Variants in SSH2 observed in about 807,000 individuals in gnomAD.
SSH2 encodes protein phosphatase Slingshot homolog 2.
SSH2 carries 37 observed loss-of-function variants against 135.2 expected under a neutral mutation model. The observed-to-expected ratio is 0.27, with a 90% CI of 0.21 to 0.36. The LOEUF (loss-of-function observed/expected upper bound fraction) is 0.36. SSH2 is among the 10% of genes least tolerant of loss of function. SSH2 has a pLI of 1.00. For synonymous variants in SSH2, 628 were observed against 646.2 expected (o/e 0.97, Z 0.43); for missense variants, 1,408 against 1,765.3 (o/e 0.80, Z 3.63).
At chr17:29,829,464 T>TTGTG (rs113871041) in intron 2 of SSH2, among the ~76,000 whole-genome samples, 9,158 of 149,778 alleles carry the variant, frequency 0.061, 500 homozygotes, top group African/African-American at 0.15. Context: ...TGTCGATGGC[T>TTGTG]TGTGTGTGTG....
chr17:29,749,992 G>A (rs574724392), intron 3 of SSH2, among the ~76,000 whole-genome samples: 2 of 151,862 alleles, frequency 1.3e-5, no homozygotes, highest in Non-Finnish European at 2.9e-5. Context: ...TTGGCCTCCC[G>A]AAGTGCTGGG....
At chr17:29,913,359 TA>T (rs1567650121) in intron 1 of SSH2, among the ~76,000 whole-genome samples, 2 of 55,664 alleles carry the variant, frequency 3.6e-5, no homozygotes, top group Non-Finnish European at 3.5e-5. Flanking sequence ...TATATATATA[TA>T]TATATATATA....
intron 1 of SSH2, among the ~76,000 whole-genome samples, chr17:29,915,642 C>G (rs779705723): frequency 2.0e-5 from 3 of 152,022 alleles, no homozygotes; most frequent in African/African-American, 4.8e-5. Context: ...AATTGATAAA[C>G]TTTCAAGGGA....
chr17:29,858,119 C>T (rs1355431609), intron 1 of SSH2, among the ~76,000 whole-genome samples: 3 of 152,198 alleles, frequency 2.0e-5, no homozygotes, highest in Non-Finnish European at 4.4e-5. Flanking sequence ...TTTATCCATT[C>T]ATCTGTTAAG....
intron 3 of SSH2, among the ~76,000 whole-genome samples, chr17:29,723,234 TA>T (rs1033857720): frequency 6.6e-6 from 1 of 151,856 alleles, no homozygotes; most frequent in East Asian, 1.9e-4. Flanking sequence ...CAATTCCAAA[TA>T]AAAAAAAGCT....
chr17:29,861,035 G>A (rs367800311), intron 1 of SSH2, among the ~76,000 whole-genome samples: 32 of 152,106 alleles, frequency 2.1e-4, no homozygotes, highest in East Asian at 1.2e-3. Context: ...GTGAGCCACC[G>A]TGTCCAGCCC....
intron 11 of SSH2, among the ~76,000 whole-genome samples, chr17:29,664,123 T>G (rs1331354811): frequency 6.6e-6 from 1 of 152,212 alleles, no homozygotes; most frequent in Non-Finnish European, 1.5e-5. Context: ...GGCTCATGCC[T>G]GTAATCCCGG....
intron 2 of SSH2, among the ~76,000 whole-genome samples, chr17:29,796,072 T>C (rs1393992119): frequency 6.6e-6 from 1 of 152,164 alleles, no homozygotes; most frequent in Non-Finnish European, 1.5e-5. Flanking sequence ...TTAAATATTA[T>C]ATAAGAATAT....
intron 1 of SSH2, among the ~76,000 whole-genome samples, chr17:29,907,818 C>CTTTT (rs201612892): frequency 2.3e-5 from 3 of 132,008 alleles, no homozygotes; most frequent in Non-Finnish European, 3.3e-5. Context: ...CTGACAAAAC[C>CTTTT]TTTTTTTTTT....
In SSH2 at chr17:29,631,607, G is replaced by C. The variant is rs777031709; in HGVS notation, c.3587C>G (p.Ser1196Cys). Reference protein sequence around the residue: ...SWEESQESPLSSGSEVPYKDS... With the variant: ...SWEESQESPLCSGSEVPYKDS... ...CTTATATGGCACCTCACTGCCACTG[G>C]AGAGAGGGCTCTCCTGACTTTCTTC... The change falls in exon 16 of 16, where the codon TCC (serine) becomes TGC (cysteine). Residue 1196 changes from serine (S) to cysteine (C), a missense_variant. Physicochemically the swap from Ser to Cys is moderately radical, Grantham distance 112 (BLOSUM62 -1). This residue lies in a region of SSH2 where 1,080 missense variants were observed against 1,144.5 expected (regional missense o/e 0.94). Transcript: ENST00000540801. 3 of 1,614,162 alleles carry C rather than the reference G, an allele frequency of 1.9e-6. No homozygotes were observed. The South Asian group carries it at 3.3e-5, about 18-fold the overall frequency.
chr17:29,930,004 G>C lies in SSH2; in HGVS notation c.-4C>G. On this transcript the variant is annotated 5_prime_UTR_variant, in exon 1 of 16. Coordinates refer to ENST00000540801, the MANE Select transcript of SSH2 (RefSeq NM_001282129.2). ...GCTGGACCGTGACCAAAGCCATCTA[G>C]GCGCTGCTGGGTTGTTCCGGGCAGG... is the stretch of plus-strand genomic sequence containing the variant. 6.3e-7 allele frequency: 1 copy of C among 1,597,992 alleles called. No individual in the cohort carries two copies. The highest frequency in any genetic ancestry group is 8.5e-7 in the Non-Finnish European group (1 of 1,172,714).
At chr17:29,926,369 T>C (rs2151492122) in intron 1 of SSH2, among the ~76,000 whole-genome samples, 1 of 143,730 alleles carries the variant, frequency 7.0e-6, no homozygotes, top group East Asian at 2.0e-4. Context: ...CGAAACCCCA[T>C]CTCTACAAAA....
intron 14 of SSH2, among the ~76,000 whole-genome samples, chr17:29,644,309 C>G (rs932094189): frequency 1.3e-5 from 2 of 152,142 alleles, no homozygotes; most frequent in African/African-American, 2.4e-5. Flanking sequence ...TCCCTCAGCA[C>G]GGGGCTACCT....
At position 29,632,583 on chromosome 17, in the gene SSH2, C is replaced by T; in HGVS notation, c.2611G>A (p.Ala871Thr). ...SIADLEEGEP[A>T]EGEQELQGSG... Reference sequence around the variant, plus strand: ...CCCTGGAGCTCTTGTTCCCCCTCAGCTGGTTCCCCTTCTTCCAAGTCTGCT... The same window carrying T: ...CCCTGGAGCTCTTGTTCCCCCTCAGTTGGTTCCCCTTCTTCCAAGTCTGCT... The change falls in exon 16 of 16, where the codon GCT (alanine) becomes ACT (threonine). Residue 871 changes from alanine (A) to threonine (T), a missense_variant. Ala to Thr is a moderately conservative substitution (Grantham distance 58, BLOSUM62 0). Coordinates refer to ENST00000540801, the MANE Select transcript of SSH2 (RefSeq NM_001282129.2). 1 of 1,614,220 alleles carries T rather than the reference C, an allele frequency of 6.2e-7. No homozygotes were observed.
chr17:29,875,154 A>G (rs1348847683), intron 1 of SSH2, among the ~76,000 whole-genome samples: 1 of 152,164 alleles, frequency 6.6e-6, no homozygotes, highest in Non-Finnish European at 1.5e-5. Flanking sequence ...GTCATCTCCA[A>G]TGACAGTCTC....
chr17:29,838,546 G>A (rs1415875696), intron 2 of SSH2, among the ~76,000 whole-genome samples: 2 of 152,174 alleles, frequency 1.3e-5, no homozygotes, highest in Admixed American at 1.3e-4. Context: ...GAACCAACTG[G>A]CATGCACTTC....
At chr17:29,795,557 A>G (rs2042142190) in intron 2 of SSH2, among the ~76,000 whole-genome samples, 1 of 152,208 alleles carries the variant, frequency 6.6e-6, no homozygotes, top group Non-Finnish European at 1.5e-5. Flanking sequence ...ATCAATAATC[A>G]GAACCTGGAA....
Position 29,656,835 on chromosome 17 carries a change from T to C in SSH2, c.1033-1228A>G, listed in dbSNP as rs556606051. On this transcript the variant is annotated intron_variant, in intron 11 of 15. Transcript: ENST00000540801. ...AACATTTTCTTACATAATATGATCA[T>C]ACCAAAGAAATGTAACATTAACACA... Among the ~76,000 whole-genome samples the C allele has an allele frequency of 7.9e-5, 12 of 152,334 alleles. No homozygotes were observed. In the South Asian group the frequency reaches 2.3e-3, roughly 29 times the overall value.
chr17:29,662,059 G>A (rs2037069249), intron 11 of SSH2, among the ~76,000 whole-genome samples: 1 of 152,176 alleles, frequency 6.6e-6, no homozygotes, highest in Non-Finnish European at 1.5e-5. Context: ...TTATGGTGAC[G>A]TAATTCTACC....
Sources: allele counts gnomAD v4.1 joint callset (sites outside exome capture counted in the v4.1 genomes callset), GRCh38; gene constraint gnomAD v4.1.1; regional missense constraint gnomAD v4.1.1; transcripts MANE v1.5; gene names NCBI Gene and HGNC (gene_info 2026-07-23, HGNC 2026-07-21).